Variants in NCALD observed in about 807,000 individuals in gnomAD.
The protein encoded by NCALD is neurocalcin-delta.
Under a neutral mutation model 18.6 loss-of-function variants are expected in NCALD, and 10 were observed. The observed-to-expected ratio is 0.54, with a 90% CI of 0.33 to 0.91. The LOEUF is 0.91. Ranked by LOEUF, NCALD falls within the 40% of genes least tolerant of loss-of-function variation. The pLI is 0.03. For missense variants in NCALD, 184 were observed against 247.6 expected, an observed-to-expected ratio of 0.74 and a Z score of 1.72; for synonymous variants, 88 against 87.4, an observed-to-expected ratio of 1.01 and a Z score of -0.04.
intron 4 of NCALD, among the ~76,000 whole-genome samples, chr8:101,839,472 G>C (rs1814551797): frequency 6.6e-6 from 1 of 152,146 alleles, no homozygotes; most frequent in South Asian, 2.1e-4. Context: ...TCCACAAAGA[G>C]AATAACCTGT....
At chr8:102,004,566 C>A (rs184875252) in intron 2 of NCALD, among the ~76,000 whole-genome samples, 3 of 152,020 alleles carry the variant, frequency 2.0e-5, no homozygotes, top group South Asian at 2.1e-4. Flanking sequence ...GAGCCCGCAT[C>A]GCCAAGTCAA....
chr8:101,908,239 G>A (rs150002071), intron 3 of NCALD, among the ~76,000 whole-genome samples: 6 of 152,198 alleles, frequency 3.9e-5, no homozygotes, highest in African/African-American at 1.4e-4. Context: ...GCAGGAATTC[G>A]CAATAATCCA....
chr8:102,008,529 T>C lies in NCALD; in HGVS notation c.-157+11708A>G, dbSNP rs892014007. Reference sequence around the variant, plus strand: ...TCATTCTGGCCTTCCTTCTGTTTCTTAAAAGCAGGAGATAAAACTCCCAGG... The same window carrying C: ...TCATTCTGGCCTTCCTTCTGTTTCTCAAAAGCAGGAGATAAAACTCCCAGG... On this transcript the variant is annotated intron_variant, in intron 2 of 6. Coordinates refer to the NCALD transcript ENST00000311028. Among the ~76,000 whole-genome samples, 3 of 150,672 alleles carry C rather than the reference T, an allele frequency of 2.0e-5. No individual in the cohort carries two copies. In the South Asian group the frequency reaches 6.3e-4, roughly 32 times the overall value.
At chr8:102,085,303 G>T (rs1278172217) in intron 1 of NCALD, among the ~76,000 whole-genome samples, 1 of 152,200 alleles carries the variant, frequency 6.6e-6, no homozygotes, top group East Asian at 1.9e-4. Flanking sequence ...CCCAAACATT[G>T]CCAAACGTCT....
intron 4 of NCALD, among the ~76,000 whole-genome samples, chr8:101,812,838 A>T (rs753588546): frequency 6.6e-6 from 1 of 152,102 alleles, no homozygotes; most frequent in Non-Finnish European, 1.5e-5. Context: ...TCATACCAAT[A>T]ATTCCTCTTT....
chr8:101,708,222 A>G (rs1164952501), intron 2 of NCALD, among the ~76,000 whole-genome samples: 2 of 152,182 alleles, frequency 1.3e-5, no homozygotes, highest in East Asian at 3.8e-4. Flanking sequence ...TATTTCTTTA[A>G]TCTGAGTCCT....
chr8:101,723,569 A>C (rs1816454039), intron 1 of NCALD, among the ~76,000 whole-genome samples: 2 of 152,224 alleles, frequency 1.3e-5, no homozygotes, highest in African/African-American at 4.8e-5. Context: ...AATGGCTTAC[A>C]CTTTTGTAAG....
intron 2 of NCALD, among the ~76,000 whole-genome samples, chr8:101,933,564 G>C (rs1818652962): frequency 6.6e-6 from 1 of 152,214 alleles, no homozygotes; most frequent in South Asian, 2.1e-4. Flanking sequence ...GTGGTGATTT[G>C]TTACAGCAGC....
At chr8:102,048,573 G>T (rs138492080) in intron 1 of NCALD, among the ~76,000 whole-genome samples, 15 of 152,320 alleles carry the variant, frequency 9.8e-5, no homozygotes, top group African/African-American at 3.4e-4. Context: ...GCCAACATGA[G>T]AAATATCTAT....
chr8:101,899,433 T>C (rs1452080403), intron 3 of NCALD, among the ~76,000 whole-genome samples: 2 of 152,018 alleles, frequency 1.3e-5, no homozygotes, highest in African/African-American at 2.4e-5. Context: ...CTATATTGAA[T>C]AGGAGTGGTG....
At chr8:101,704,085 T>G (rs541739010) in intron 2 of NCALD, among the ~76,000 whole-genome samples, 10 of 152,294 alleles carry the variant, frequency 6.6e-5, no homozygotes, top group African/African-American at 2.4e-4. Flanking sequence ...CCTAGCTGAG[T>G]GCTGCTCTCG....
intron 1 of NCALD, among the ~76,000 whole-genome samples, chr8:102,074,315 G>A (rs1824273712): frequency 6.6e-6 from 1 of 152,162 alleles, no homozygotes; most frequent in Non-Finnish European, 1.5e-5. Flanking sequence ...GCAGAGGGTT[G>A]GTTAAGCTAT....
chr8:101,858,246 C>T (rs1815398995), intron 4 of NCALD, among the ~76,000 whole-genome samples: 1 of 152,088 alleles, frequency 6.6e-6, no homozygotes, highest in Non-Finnish European at 1.5e-5. Context: ...AGCAGTTTCA[C>T]ACGTCATTGG....
chr8:102,039,344 C>T (rs2132169714), intron 1 of NCALD, among the ~76,000 whole-genome samples: 2 of 152,220 alleles, frequency 1.3e-5, no homozygotes, highest in East Asian at 1.9e-4. Context: ...ATATGGGTTG[C>T]TGATGTTCTT....
chr8:101,784,586 C>T (rs766620326), intron 1 of NCALD, among the ~76,000 whole-genome samples: 2 of 152,156 alleles, frequency 1.3e-5, no homozygotes, highest in Middle Eastern at 3.4e-3. Flanking sequence ...CTCTTGAGGA[C>T]AGGAGTTCAA....
chr8:101,876,289 A>G (rs750115773), intron 4 of NCALD, among the ~76,000 whole-genome samples: 18 of 152,364 alleles, frequency 1.2e-4, no homozygotes, highest in Non-Finnish European at 2.2e-4. Context: ...AGGCAGTGCT[A>G]GCACAGTTAT....
At chr8:101,864,688 G>A (rs1815693241) in intron 4 of NCALD, among the ~76,000 whole-genome samples, 1 of 150,938 alleles carries the variant, frequency 6.6e-6, no homozygotes, top group South Asian at 2.1e-4. Context: ...TCCGCCTCCT[G>A]GGTTAAAGCG....
intron 2 of NCALD, among the ~76,000 whole-genome samples, chr8:101,938,989 A>C (rs1474351735): frequency 6.6e-6 from 1 of 152,268 alleles, no homozygotes; most frequent in Admixed American, 6.5e-5. Context: ...TCTGAGATCT[A>C]TCAGTGCTTG....
intron 4 of NCALD, among the ~76,000 whole-genome samples, chr8:101,801,409 A>AC (rs1347233192): frequency 6.6e-6 from 1 of 151,968 alleles, no homozygotes; most frequent in Admixed American, 6.6e-5. Context: ...TGCAAAATAC[A>AC]CATTTTTTTT....
Sources: allele counts gnomAD v4.1 joint callset (sites outside exome capture counted in the v4.1 genomes callset), GRCh38; gene constraint gnomAD v4.1.1; transcripts MANE v1.5; gene names NCBI Gene and HGNC (gene_info 2026-07-23, HGNC 2026-07-21).